The following CPNE8 variants were observed in gnomAD, a reference collection of about 807,000 sequenced individuals.
The protein encoded by CPNE8 is copine 8, also known as copine-8.
Under a neutral mutation model 81.5 loss-of-function variants are expected in CPNE8, and 45 were observed. That is an observed-to-expected ratio of 0.55 (90% CI 0.44 to 0.71). CPNE8 has a LOEUF of 0.71. Ranked by LOEUF, CPNE8 falls within the 30% of genes least tolerant of loss-of-function variation. The probability of loss-of-function intolerance (pLI) is 0.00; values close to 1 mark genes in which losing one functional copy is unlikely to be tolerated. For synonymous variants in CPNE8, 252 were observed against 226.3 expected (o/e 1.11, Z -1.02); for missense variants, 594 against 672.1 (o/e 0.88, Z 1.28).
intron 6 of CPNE8, among the ~76,000 whole-genome samples, chr12:38,806,651 G>A (rs1226411599): frequency 1.4e-5 from 2 of 143,016 alleles, no homozygotes; most frequent in Admixed American, 1.4e-4. Flanking sequence ...ATATCATACT[G>A]AATGGGCAAA....
rs749406707 is a variant in CPNE8, at chr12:38,760,451, A to ATATATATATATATATG, written c.722+395_722+396insCATATATATATATATA. 7.8e-3 allele frequency among the ~76,000 whole-genome samples: 934 copies of ATATATATATATATATG among 120,116 alleles called. 14 individuals are homozygous for ATATATATATATATATG. The highest frequency in any genetic ancestry group is 0.023 in the African/African-American group (763 of 33,516). The allele number at this position is 120,116 out of a possible 152,430, so 78.8% of individuals were successfully genotyped here. A position where few individuals can be genotyped will look rare whatever the true frequency, so the allele number is the denominator to read the frequency against. ...GTATGGTGTGTATATATATATATAT[A>ATATATATATATATATG]TGTGTGTGTATATAGGCAGAGTTGG... is the stretch of plus-strand genomic sequence containing the variant. On this transcript the variant is annotated intron_variant, in intron 10 of 19. Coordinates refer to ENST00000331366, the MANE Select transcript of CPNE8 (RefSeq NM_153634.3).
intron 1 of CPNE8, among the ~76,000 whole-genome samples, chr12:38,887,482 G>T (rs1441234057): frequency 1.3e-5 from 2 of 152,086 alleles, no homozygotes; most frequent in African/African-American, 4.8e-5. Flanking sequence ...GGGTAAGAAA[G>T]TTGGGGTGAT....
chr12:38,691,616 G>A (rs1261458036), intron 15 of CPNE8, among the ~76,000 whole-genome samples: 1 of 151,942 alleles, frequency 6.6e-6, no homozygotes, highest in Non-Finnish European at 1.5e-5. Context: ...CAATGTGGGA[G>A]ACTATTTTTC....
At chr12:38,722,978 G>A (rs572006222) in intron 13 of CPNE8, among the ~76,000 whole-genome samples, 2 of 152,224 alleles carry the variant, frequency 1.3e-5, no homozygotes, top group African/African-American at 2.4e-5. Context: ...TGTAAGACAC[G>A]CCTTGCTTCC....
chr12:38,840,318 C>A (rs1943447594), intron 4 of CPNE8, among the ~76,000 whole-genome samples: 1 of 152,086 alleles, frequency 6.6e-6, no homozygotes, highest in African/African-American at 2.4e-5. Context: ...TCCTTAAAAA[C>A]TGAAAAGCCC....
chr12:38,699,700 T>G (rs533091985), intron 14 of CPNE8, among the ~76,000 whole-genome samples: 144 of 144,486 alleles, frequency 1.0e-3, no homozygotes, highest in Middle Eastern at 7.3e-3. Flanking sequence ...TTTCTAAACT[T>G]TTTTTTTTTA....
At chr12:38,698,525 A>T (rs1351724803) in intron 14 of CPNE8, among the ~76,000 whole-genome samples, 1 of 152,210 alleles carries the variant, frequency 6.6e-6, no homozygotes, top group East Asian at 1.9e-4. Context: ...TCTGAGAATT[A>T]TATAGCATTA....
intron 6 of CPNE8, among the ~76,000 whole-genome samples, chr12:38,826,710 T>A (rs909758053): frequency 8.5e-5 from 13 of 152,124 alleles, no homozygotes; most frequent in African/African-American, 3.1e-4. Context: ...CACATTATAA[T>A]AATATCAAAT....
intron 17 of CPNE8, 128 bp from the exon 18 acceptor site, chr12:38,675,902 T>C: frequency 1.5e-6 from 1 of 661,630 alleles, no homozygotes. Context: ...GGAGGATTGC[T>C]TGAGGCCAGG....
At chr12:38,707,087 G>A (rs1422380589) in intron 13 of CPNE8, among the ~76,000 whole-genome samples, 1 of 152,176 alleles carries the variant, frequency 6.6e-6, no homozygotes, top group African/African-American at 2.4e-5. Flanking sequence ...GCTGAGGTGG[G>A]AGGATCACTT....
intron 13 of CPNE8, among the ~76,000 whole-genome samples, chr12:38,712,979 C>T (rs1940298448): frequency 6.6e-6 from 1 of 152,128 alleles, no homozygotes; most frequent in Non-Finnish European, 1.5e-5. Context: ...AAAATAATAG[C>T]TAGCATTTAT....
intron 13 of CPNE8, among the ~76,000 whole-genome samples, chr12:38,717,426 G>GGT (rs1364527895): frequency 0.02 from 564 of 27,778 alleles, 18 homozygotes; most frequent in African/African-American, 0.067. Context: ...AAGAAAGTGT[G>GGT]GTGTATATAT....
At chr12:38,664,887 C>G (rs1939032345) in intron 19 of CPNE8, among the ~76,000 whole-genome samples, 1 of 152,038 alleles carries the variant, frequency 6.6e-6, no homozygotes, top group Non-Finnish European at 1.5e-5. Context: ...GGTTGAGAAC[C>G]ACTGTCATAG....
chr12:38,760,069 G>C (rs1178140325), intron 10 of CPNE8, among the ~76,000 whole-genome samples: 2 of 152,072 alleles, frequency 1.3e-5, no homozygotes, highest in Non-Finnish European at 2.9e-5. Flanking sequence ...CTATGGATTT[G>C]AGTTTAGGAC....
At chr12:38,782,483 T>A (rs1451932157) in intron 6 of CPNE8, among the ~76,000 whole-genome samples, 1 of 152,100 alleles carries the variant, frequency 6.6e-6, no homozygotes, top group Non-Finnish European at 1.5e-5. Context: ...TATTAAGAAA[T>A]TCACTCTCAA....
At chr12:38,736,700 T>C (rs1181450959) in intron 10 of CPNE8, among the ~76,000 whole-genome samples, 1 of 152,058 alleles carries the variant, frequency 6.6e-6, no homozygotes, top group Non-Finnish European at 1.5e-5. Flanking sequence ...ACCAGAATAT[T>C]GTCAAACAAA....
At chr12:38,681,585 C>T (rs7957523) in intron 16 of CPNE8, among the ~76,000 whole-genome samples, 117,138 of 152,000 alleles carry the variant, frequency 0.77, 49,907 homozygotes, top group Middle Eastern at 0.97. Context: ...ATGGTTAACA[C>T]CTACCATCAA....
intron 4 of CPNE8, among the ~76,000 whole-genome samples, chr12:38,844,594 G>T (rs141792072): frequency 6.6e-6 from 1 of 151,940 alleles, no homozygotes; most frequent in Non-Finnish European, 1.5e-5. Context: ...ATATATCTCA[G>T]ACATACCATA....
chr12:38,682,466 G>A (rs1281404181), intron 16 of CPNE8, among the ~76,000 whole-genome samples: 4 of 151,982 alleles, frequency 2.6e-5, no homozygotes, highest in Non-Finnish European at 5.9e-5. Context: ...GCTGAGGCAG[G>A]AGAATTGCTT....
Sources: allele counts gnomAD v4.1 joint callset (sites outside exome capture counted in the v4.1 genomes callset), GRCh38; gene constraint gnomAD v4.1.1; transcripts MANE v1.5; gene names NCBI Gene and HGNC (gene_info 2026-07-23, HGNC 2026-07-21).